Variants in MARCHF4 observed in about 807,000 individuals in gnomAD.
MARCHF4 encodes the protein E3 ubiquitin-protein ligase MARCHF4.
In MARCHF4, 14 loss-of-function variants were observed where a neutral mutation model predicts 43.9. The ratio of observed to expected loss-of-function variants is 0.32; its 90% CI spans 0.21 to 0.50. The LOEUF (loss-of-function observed/expected upper bound fraction) is 0.50, where lower values mean the gene tolerates loss of function less well. Among genes scored for constraint, MARCHF4 ranks in the 20% least tolerant of loss-of-function variants. The probability of loss-of-function intolerance (pLI) is 0.98; values close to 1 mark genes in which losing one functional copy is unlikely to be tolerated. For missense variants in MARCHF4, 468 were observed against 536.7 expected (o/e 0.87, Z 1.27); for synonymous variants, 226 against 213.3 (o/e 1.06, Z -0.52).
In MARCHF4 at chr2:216,370,395, C is replaced by T. The variant is rs1559110173; in HGVS notation, c.-135G>A. 3.2e-6 allele frequency: 2 copies of T among 630,934 alleles called. No homozygotes were observed. The highest frequency in any genetic ancestry group is 8.5e-4 in the Middle Eastern group (2 of 2,342). The allele number at this position is 630,934 out of a possible 1,614,324, so 39.1% of individuals were successfully genotyped here. A position where few individuals can be genotyped will look rare whatever the true frequency, so the allele number is the denominator to read the frequency against. On this transcript the variant is annotated 5_prime_UTR_variant, in exon 1 of 4. Coordinates refer to ENST00000273067, the MANE Select transcript of MARCHF4 (RefSeq NM_020814.3). ...TTTCTCACTGGCTTTTCTTACAACC[C>T]CTCCAAGTAGCAAATAAATTGCTCC...
intron 1 of MARCHF4, among the ~76,000 whole-genome samples, chr2:216,296,563 G>A (rs1161656622): frequency 6.6e-6 from 1 of 152,142 alleles, no homozygotes. Flanking sequence ...GCAACTGGGG[G>A]TTTTGTTTTG....
At chr2:216,367,774 A>G (rs916877783) in intron 1 of MARCHF4, among the ~76,000 whole-genome samples, 7 of 152,250 alleles carry the variant, frequency 4.6e-5, no homozygotes, top group African/African-American at 1.2e-4. Flanking sequence ...CAGATCTTGT[A>G]TCACATGAGG....
At chr2:216,289,623 T>C (rs1267059531) in intron 1 of MARCHF4, among the ~76,000 whole-genome samples, 4 of 152,220 alleles carry the variant, frequency 2.6e-5, no homozygotes, top group Non-Finnish European at 5.9e-5. Context: ...AGTCTGAAGG[T>C]CTTGCTTCTG....
rs115793287 is a variant in MARCHF4, at chr2:216,330,064, G to T, written c.516+39681C>A. Among the ~76,000 whole-genome samples the T allele has an allele frequency of 2.7e-3, 415 of 151,638 alleles. 1 individual carries two copies. The highest frequency in any genetic ancestry group is 9.7e-3 in the African/African-American group (400 of 41,276). On this transcript the variant is annotated intron_variant, in intron 1 of 3. Coordinates refer to ENST00000273067, the MANE Select transcript of MARCHF4 (RefSeq NM_020814.3). ...AGTGAGCTCTGATCACTGTACTCTA[G>T]CCTGGGCAACAGAATGAGAATCTGC...
chr2:216,286,817 G>C (rs762076944), intron 1 of MARCHF4, among the ~76,000 whole-genome samples: 11 of 152,182 alleles, frequency 7.2e-5, no homozygotes, highest in Non-Finnish European at 1.5e-4. Context: ...ATGTCTCCAA[G>C]AACAACAGAA....
chr2:216,319,677 A>T (rs543315264), intron 1 of MARCHF4, among the ~76,000 whole-genome samples: 8 of 152,310 alleles, frequency 5.3e-5, no homozygotes, highest in Admixed American at 5.2e-4. Context: ...AAACATAATA[A>T]GCCTCTTCTT....
chr2:216,354,941 T>TTCTTTCTTTCTTTC, intron 1 of MARCHF4, among the ~76,000 whole-genome samples: 1 of 141,246 alleles, frequency 7.1e-6, no homozygotes, highest in African/African-American at 2.7e-5. Flanking sequence ...CTTTCTTTCT[T>TTCTTTCTTTCTTTC]TCTTTCTTTC....
At chr2:216,345,275 C>T (rs566595261) in intron 1 of MARCHF4, among the ~76,000 whole-genome samples, 20 of 151,972 alleles carry the variant, frequency 1.3e-4, no homozygotes, top group African/African-American at 4.1e-4. Flanking sequence ...GGTTACACAT[C>T]GAGCAAGGGT....
intron 3 of MARCHF4, among the ~76,000 whole-genome samples, chr2:216,270,490 A>G (rs556998562): frequency 2.3e-4 from 35 of 152,236 alleles, no homozygotes; most frequent in African/African-American, 8.4e-4. Flanking sequence ...GGAGGGGACT[A>G]CCTGTGTGCT....
chr2:216,357,191 G>T (rs1321585993), intron 1 of MARCHF4, among the ~76,000 whole-genome samples: 1 of 152,038 alleles, frequency 6.6e-6, no homozygotes, highest in African/African-American at 2.4e-5. Context: ...ATTTCACCAA[G>T]GGTCCCACTA....
At position 216,258,208 on chromosome 2, in the gene MARCHF4, C is replaced by T. The variant is rs1271471506; in HGVS notation, c.*1104G>A. 1 of 152,168 alleles carries T rather than the reference C, an allele frequency of 6.6e-6. No individual in the cohort carries two copies. Among genetic ancestry groups the T allele is most frequent in the Non-Finnish European group, 1.5e-5 (1 of 68,138 alleles). 9.4% of individuals were successfully genotyped at this position (152,168 alleles called of 1,614,324 possible). A position where few individuals can be genotyped will look rare whatever the true frequency, so the allele number is the denominator to read the frequency against. On this transcript the variant is annotated 3_prime_UTR_variant, in exon 4 of 4. Transcript: ENST00000273067. Reference sequence around the variant, plus strand: ...GGAGGGTTCCAAACAGGGAGGGTTCCAAGCAGCAAGGAATACTTAGATTGG... The same window carrying T: ...GGAGGGTTCCAAACAGGGAGGGTTCTAAGCAGCAAGGAATACTTAGATTGG...
chr2:216,297,187 T>A (rs1691410360), intron 1 of MARCHF4, among the ~76,000 whole-genome samples: 1 of 152,182 alleles, frequency 6.6e-6, no homozygotes, highest in South Asian at 2.1e-4. Context: ...CTTGGCAATT[T>A]TATTTTCTGT....
In MARCHF4 at chr2:216,259,787, G is replaced by C. The variant is rs956406544; in HGVS notation, c.866-108C>G. 8.0e-6 allele frequency: 9 copies of C among 1,122,518 alleles called. No individual in the cohort carries two copies. The African/African-American group carries it at 1.4e-4, about 17-fold the overall frequency. The allele number at this position is 1,122,518 out of a possible 1,614,324, so 69.5% of individuals were successfully genotyped here. On this transcript the variant is annotated intron_variant, in intron 3 of 3. Coordinates refer to ENST00000273067, the MANE Select transcript of MARCHF4 (RefSeq NM_020814.3). Reference sequence around the variant, plus strand: ...ATGCAAGGTATGGGCAATGGCTCCAGTGCTGAGCCATGGGAGGACCATCCC... The same window carrying C: ...ATGCAAGGTATGGGCAATGGCTCCACTGCTGAGCCATGGGAGGACCATCCC...
intron 1 of MARCHF4, among the ~76,000 whole-genome samples, chr2:216,346,914 G>A (rs1692329422): frequency 6.6e-6 from 1 of 152,112 alleles, no homozygotes; most frequent in Admixed American, 6.6e-5. Flanking sequence ...TTAGATCATG[G>A]GGGGGATTTC....
At chr2:216,304,695 T>A (rs894106914) in intron 1 of MARCHF4, among the ~76,000 whole-genome samples, 1 of 152,174 alleles carries the variant, frequency 6.6e-6, no homozygotes. Context: ...CCTAGGGCAA[T>A]GTAGAAAACA....
chr2:216,336,947 T>C (rs186385330), intron 1 of MARCHF4, among the ~76,000 whole-genome samples: 170 of 151,672 alleles, frequency 1.1e-3, no homozygotes, highest in African/African-American at 3.6e-3. Context: ...AGGTCAACAG[T>C]TTGAGACCAG....
At chr2:216,290,077 C>T (rs1269273090) in intron 1 of MARCHF4, among the ~76,000 whole-genome samples, 1 of 152,132 alleles carries the variant, frequency 6.6e-6, no homozygotes, top group African/African-American at 2.4e-5. Flanking sequence ...CTAAAATTCT[C>T]TAGTCAAGAC....
At chr2:216,272,286 T>C (rs753696289) in intron 3 of MARCHF4, among the ~76,000 whole-genome samples, 37 of 152,190 alleles carry the variant, frequency 2.4e-4, no homozygotes, top group Non-Finnish European at 4.7e-4. Context: ...TTCATCTCAA[T>C]TTCTCAGGCT....
At chr2:216,301,704 T>C (rs1355129399) in intron 1 of MARCHF4, among the ~76,000 whole-genome samples, 1 of 152,184 alleles carries the variant, frequency 6.6e-6, no homozygotes, top group East Asian at 1.9e-4. Flanking sequence ...GGTCAATAGA[T>C]GAGACTATGA....
Sources: gnomAD v4.1 joint callset for allele counts (sites outside exome capture counted in the v4.1 genomes callset) on GRCh38, gnomAD v4.1.1 for gene constraint, MANE v1.5 for transcripts, NCBI Gene and HGNC (gene_info 2026-07-23, HGNC 2026-07-21) for gene names.